PLEKHD1: variants seen among roughly 807,000 people sequenced by gnomAD.
The protein encoded by PLEKHD1 is pleckstrin homology domain-containing family D member 1.
In PLEKHD1, 51 loss-of-function variants were observed where a neutral mutation model predicts 69.2. The ratio of observed to expected loss-of-function variants is 0.74; its 90% CI spans 0.59 to 0.93. The LOEUF (loss-of-function observed/expected upper bound fraction) is 0.93. Among genes scored for constraint, PLEKHD1 ranks in the 40% least tolerant of loss-of-function variants. The pLI is 0.00. For synonymous variants in PLEKHD1, 236 were observed against 244.7 expected (o/e 0.96, Z 0.33); for missense variants, 584 against 641.0 (o/e 0.91, Z 0.96).
Position 69,530,400 on chromosome 14 carries a change from A to G in PLEKHD1, c.*1981A>G, listed in dbSNP as rs903437234. On this transcript the variant is annotated 3_prime_UTR_variant, in exon 13 of 13. Coordinates refer to ENST00000322564, the MANE Select transcript of PLEKHD1 (RefSeq NM_001161498.2). Reference sequence around the variant, plus strand: ...ATGTAAAACTTTAAACGTGTATAACATGCATAAACCTGGAACTTGTTTCTC... The same window carrying G: ...ATGTAAAACTTTAAACGTGTATAACGTGCATAAACCTGGAACTTGTTTCTC... 6.6e-6 allele frequency: 1 copy of G among 152,262 alleles called. No individual in the cohort carries two copies. The highest frequency in any genetic ancestry group is 1.5e-5 in the Non-Finnish European group (1 of 68,046). 9.4% of individuals were successfully genotyped at this position (152,262 alleles called of 1,614,324 possible). A position where few individuals can be genotyped will look rare whatever the true frequency, so the allele number is the denominator to read the frequency against.
At chr14:69,491,400 A>ACT (rs1882773808) in intron 1 of PLEKHD1, among the ~76,000 whole-genome samples, 3 of 151,946 alleles carry the variant, frequency 2.0e-5, no homozygotes, top group East Asian at 1.9e-4. Context: ...TGGTGACATC[A>ACT]CTCTCTCTCT....
Position 69,530,038 on chromosome 14 carries a change from T to C in PLEKHD1, c.*1619T>C, listed in dbSNP as rs1883757555. 1 of 152,264 alleles carries C rather than the reference T, an allele frequency of 6.6e-6. No homozygotes were observed. The highest frequency in any genetic ancestry group is 6.5e-5 in the Admixed American group (1 of 15,290). The allele number at this position is 152,264 out of a possible 1,614,324, so 9.4% of individuals were successfully genotyped here. On this transcript the variant is annotated 3_prime_UTR_variant, in exon 13 of 13. Coordinates refer to ENST00000322564, the MANE Select transcript of PLEKHD1 (RefSeq NM_001161498.2). Reference sequence around the variant, plus strand: ...ACACTGTTGACATTAAAGGTGCTCATTCTTTGCTGCTTGGAAAACCAAGAA... The same window carrying C: ...ACACTGTTGACATTAAAGGTGCTCACTCTTTGCTGCTTGGAAAACCAAGAA...
chr14:69,475,651 A>G, the PLEKHD1 span, among the ~76,000 whole-genome samples: 1 of 152,156 alleles, frequency 6.6e-6, no homozygotes, highest in African/African-American at 2.4e-5. Flanking sequence ...ATGTGGCTTC[A>G]GGCTGTGCTT....
At chr14:69,521,869 A>G (rs953376270) in intron 6 of PLEKHD1, among the ~76,000 whole-genome samples, 1 of 151,986 alleles carries the variant, frequency 6.6e-6, no homozygotes, top group Non-Finnish European at 1.5e-5. Context: ...CTTCTAACAG[A>G]CATCACTCCA....
At chr14:69,488,630 G>T (rs1233983569) in intron 1 of PLEKHD1, among the ~76,000 whole-genome samples, 2 of 152,168 alleles carry the variant, frequency 1.3e-5, no homozygotes, top group African/African-American at 4.8e-5. Context: ...CAGTTGAGGG[G>T]CAGGGATCTT....
At position 69,503,285 on chromosome 14, in the gene PLEKHD1, A is replaced by G. The variant is rs17764274; in HGVS notation, c.555+406A>G. On this transcript the variant is annotated intron_variant, in intron 6 of 12. Coordinates refer to ENST00000322564, the MANE Select transcript of PLEKHD1 (RefSeq NM_001161498.2). ...TCTCAGAAGTTCCTTCATTCTCTGA[A>G]TGTCAAAAGTCCACAGCAGGCTAAG... is the stretch of plus-strand genomic sequence containing the variant. 2,183 of 229,962 alleles carry G rather than the reference A, an allele frequency of 9.5e-3. 20 individuals carry two copies. Among genetic ancestry groups the G allele is most frequent in the Non-Finnish European group, 0.014 (1,610 of 114,744 alleles). The allele number at this position is 229,962 out of a possible 1,614,324, so 14.2% of individuals were successfully genotyped here.
At chr14:69,474,201 C>T in the PLEKHD1 span, among the ~76,000 whole-genome samples, 1 of 152,138 alleles carries the variant, frequency 6.6e-6, no homozygotes, top group Admixed American at 6.5e-5. Flanking sequence ...GCAAAAGCAG[C>T]CTAAAACAAT....
intron 6 of PLEKHD1, among the ~76,000 whole-genome samples, chr14:69,520,485 T>C (rs1324695598): frequency 2.0e-5 from 3 of 152,126 alleles, no homozygotes; most frequent in Non-Finnish European, 4.4e-5. Flanking sequence ...GAAAATTTTA[T>C]TGGGAGGCCA....
intron 4 of PLEKHD1, 103 bp downstream of exon 4, chr14:69,501,050 G>A: frequency 2.4e-6 from 3 of 1,231,226 alleles, no homozygotes; most frequent in Non-Finnish European, 3.5e-6. Flanking sequence ...GTGGGCACAG[G>A]GCCAGGGCTG....
At chr14:69,500,764 G>A in intron 3 of PLEKHD1, 98 bp downstream of exon 3, 1 of 1,517,512 alleles carries the variant, frequency 6.6e-7, no homozygotes, top group Non-Finnish European at 8.9e-7. Context: ...CTGGGAGAGG[G>A]GCATCAGCAC....
chr14:69,474,225 A>G, the PLEKHD1 span, among the ~76,000 whole-genome samples: 33 of 152,228 alleles, frequency 2.2e-4, no homozygotes, highest in Non-Finnish European at 4.7e-4. Flanking sequence ...CAAGGAAGTT[A>G]GAGTCTCAGA....
In PLEKHD1 at chr14:69,528,399, C is replaced by A; in HGVS notation, c.1501C>A (p.Leu501Ile). The change falls in exon 13 of 13, where the codon CTC becomes ATC. Residue 501 changes from leucine to isoleucine, a missense_variant. Transcript: ENST00000322564. ...CACCCAGCCTGGAGCCCCCTCGGCA[C>A]TCTCCCGGGGTGGAAAGTGATGGGC... Reference protein sequence around the residue: ...MATQPGAPSALSRGGK With the variant: ...MATQPGAPSAISRGGK 1 of 1,551,098 alleles carries A rather than the reference C, an allele frequency of 6.4e-7. No individual in the cohort carries two copies.
upstream of PLEKHD1, among the ~76,000 whole-genome samples, chr14:69,480,338 G>T (rs948281816): frequency 3.3e-5 from 5 of 152,216 alleles, no homozygotes; most frequent in African/African-American, 1.2e-4. Flanking sequence ...ACTTGGGCTG[G>T]GCCCAGCTGA....
At chr14:69,527,505 T>G (rs751433372) in intron 11 of PLEKHD1, among the ~76,000 whole-genome samples, 173 bp downstream of exon 11, 2 of 152,250 alleles carry the variant, frequency 1.3e-5, no homozygotes, top group Non-Finnish European at 2.9e-5. Context: ...GCACCACTGC[T>G]TTCTTGTGGC....
chr14:69,503,863 CAA>C (rs35831952), intron 6 of PLEKHD1, among the ~76,000 whole-genome samples: 1,558 of 38,932 alleles, frequency 0.04, 10 homozygotes, highest in African/African-American at 0.11. Context: ...GACTCCGTCT[CAA>C]AAAAAAAAAA....
At chr14:69,526,880 C>A in intron 10 of PLEKHD1, 51 bp downstream of exon 10, 1 of 1,476,728 alleles carries the variant, frequency 6.8e-7, no homozygotes, top group South Asian at 1.4e-5. Flanking sequence ...CTGGAGACTC[C>A]CCTTCCACCC....
chr14:69,474,982 A>G, the PLEKHD1 span, among the ~76,000 whole-genome samples: 10 of 152,074 alleles, frequency 6.6e-5, no homozygotes, highest in Admixed American at 6.6e-4. Context: ...CAGCCTCCCA[A>G]CGCTCTGGGA....
At chr14:69,497,276 C>T (rs952393640) in intron 1 of PLEKHD1, among the ~76,000 whole-genome samples, 6 of 152,226 alleles carry the variant, frequency 3.9e-5, no homozygotes, top group South Asian at 2.1e-4. Flanking sequence ...CAACCCCAGC[C>T]GGAAAATGTC....
chr14:69,500,509 G>A (rs2139505242), intron 2 of PLEKHD1, 68 bp from the exon 3 acceptor site: 1 of 1,358,824 alleles, frequency 7.4e-7, no homozygotes, highest in African/African-American at 1.5e-5. Context: ...TTTGTCCAGG[G>A]GCCCCCAGAA....
Sources: gnomAD v4.1 joint callset for allele counts (sites outside exome capture counted in the v4.1 genomes callset) on GRCh38, gnomAD v4.1.1 for gene constraint, MANE v1.5 for transcripts, NCBI Gene and HGNC (gene_info 2026-07-23, HGNC 2026-07-21) for gene names.